The following BICD1 variants were observed in gnomAD, a reference collection of about 807,000 sequenced individuals.
BICD1 encodes the protein BICD cargo adaptor 1, also known as protein bicaudal D homolog 1.
Under a neutral mutation model 92.5 loss-of-function variants are expected in BICD1, and 35 were observed. The observed-to-expected ratio is 0.38, with a 90% CI of 0.29 to 0.50. The LOEUF (loss-of-function observed/expected upper bound fraction) is 0.50, where lower values mean the gene tolerates loss of function less well. Ranked by LOEUF, BICD1 falls within the 20% of genes least tolerant of loss-of-function variation. BICD1 has a pLI of 0.93. For missense variants in BICD1, 950 were observed against 1,189.8 expected, an observed-to-expected ratio of 0.80 and a Z score of 2.97; for synonymous variants, 429 against 465.1, an observed-to-expected ratio of 0.92 and a Z score of 1.00.
intron 1 of BICD1, among the ~76,000 whole-genome samples, chr12:32,207,642 C>T (rs2046587): frequency 0.26 from 40,204 of 151,756 alleles, 5,849 homozygotes; most frequent in South Asian, 0.43. Context: ...CTCAAATGGA[C>T]GGACTTTATA....
Position 32,311,475 on chromosome 12 carries a change from C to T in BICD1, c.1005+5353C>T, listed in dbSNP as rs567516067. ...GATCGCGCCACTGCACTCCAGCCTG[C>T]GACAGATCAAGACTCTGTCTCAAAA... On this transcript the variant is annotated intron_variant, in intron 4 of 9. Coordinates refer to ENST00000652176, the MANE Select transcript of BICD1 (RefSeq NM_001714.4). Among the ~76,000 whole-genome samples the T allele has an allele frequency of 3.3e-5, 5 of 151,942 alleles. 1 individual carries two copies. The highest frequency in any genetic ancestry group is 9.7e-5 in the African/African-American group (4 of 41,404).
chr12:32,186,500 A>G (rs1361408919), intron 1 of BICD1, among the ~76,000 whole-genome samples: 1 of 152,188 alleles, frequency 6.6e-6, no homozygotes, highest in Non-Finnish European at 1.5e-5. Context: ...TAAAACCAAC[A>G]TGTCTAAATT....
At position 32,145,275 on chromosome 12, in the gene BICD1, A is replaced by C. The variant is rs569959629; in HGVS notation, c.213+37731A>C. 2.6e-5 allele frequency among the ~76,000 whole-genome samples: 4 copies of C among 152,332 alleles called. No homozygotes were observed. The East Asian group carries it at 7.7e-4, about 29-fold the overall frequency. On this transcript the variant is annotated intron_variant, in intron 1 of 9. Coordinates refer to ENST00000652176, the MANE Select transcript of BICD1 (RefSeq NM_001714.4). ...GTCACAGGGAAGGCTCTGTGACACG[A>C]GATAATGATGTGGATGTGACAGAAC...
At chr12:32,113,710 ATTT>A (rs36110677) in intron 1 of BICD1, among the ~76,000 whole-genome samples, 6 of 122,282 alleles carry the variant, frequency 4.9e-5, no homozygotes, top group Non-Finnish European at 6.8e-5. Context: ...TGCTTGGGTA[ATTT>A]TTTTTTTTTT....
intron 8 of BICD1, among the ~76,000 whole-genome samples, chr12:32,363,414 A>G (rs1008478341): frequency 2.0e-5 from 3 of 152,210 alleles, no homozygotes; most frequent in African/African-American, 7.2e-5. Flanking sequence ...TCTCTTGAGT[A>G]TGCTATGACA....
At chr12:32,113,193 G>A (rs1269858790) in intron 1 of BICD1, among the ~76,000 whole-genome samples, 1 of 152,178 alleles carries the variant, frequency 6.6e-6, no homozygotes, top group Non-Finnish European at 1.5e-5. Context: ...GGATCGTGAG[G>A]AGGGGGCACG....
chr12:32,347,419 C>G (rs1230347848), intron 8 of BICD1, among the ~76,000 whole-genome samples: 1 of 151,662 alleles, frequency 6.6e-6, no homozygotes, highest in Non-Finnish European at 1.5e-5. Context: ...GCGGGCAGAT[C>G]ACAAGGTCAA....
chr12:32,131,795 T>TGGG (rs1194341348), intron 1 of BICD1, among the ~76,000 whole-genome samples: 3 of 152,224 alleles, frequency 2.0e-5, no homozygotes, highest in African/African-American at 7.2e-5. Flanking sequence ...CCCCAGCCAT[T>TGGG]GTTAGGTGCC....
chr12:32,256,043 T>A (rs1200391615), intron 2 of BICD1, among the ~76,000 whole-genome samples: 1 of 152,046 alleles, frequency 6.6e-6, no homozygotes, highest in Admixed American at 6.6e-5. Flanking sequence ...TTATTATAAT[T>A]ATTGTTATTT....
At chr12:32,357,817 C>G (rs1939177228) in intron 8 of BICD1, among the ~76,000 whole-genome samples, 1 of 152,176 alleles carries the variant, frequency 6.6e-6, no homozygotes, top group Non-Finnish European at 1.5e-5. Flanking sequence ...AACAGTGTCA[C>G]TTTAATTTAG....
At chr12:32,227,153 A>G (rs1945724420) in intron 2 of BICD1, among the ~76,000 whole-genome samples, 1 of 152,222 alleles carries the variant, frequency 6.6e-6, no homozygotes, top group Non-Finnish European at 1.5e-5. Context: ...CCCGTGCCCC[A>G]GAGGACAGCC....
At chr12:32,332,886 T>G in intron 5 of BICD1, 1 of 985,400 alleles carries the variant, frequency 1.0e-6, no homozygotes, top group Non-Finnish European at 1.2e-6. Flanking sequence ...AAAGTCAACT[T>G]TGGAATGTGT....
At chr12:32,231,211 G>A (rs1945876444) in intron 2 of BICD1, among the ~76,000 whole-genome samples, 1 of 152,122 alleles carries the variant, frequency 6.6e-6, no homozygotes, top group Non-Finnish European at 1.5e-5. Flanking sequence ...GGCTGAGCAT[G>A]GTGACTCATG....
chr12:32,135,348 A>G (rs1032103235), intron 1 of BICD1, among the ~76,000 whole-genome samples: 1 of 144,704 alleles, frequency 6.9e-6, no homozygotes, highest in Non-Finnish European at 1.5e-5. Context: ...TCGGCCTCCC[A>G]AAGTGCCGGG....
At chr12:32,249,558 G>A (rs1565617438) in intron 2 of BICD1, among the ~76,000 whole-genome samples, 1 of 152,098 alleles carries the variant, frequency 6.6e-6, no homozygotes, top group Admixed American at 6.6e-5. Context: ...GAGGATTCTT[G>A]TGTTTCCCAG....
chr12:32,119,361 T>C (rs888624515), intron 1 of BICD1, among the ~76,000 whole-genome samples: 6 of 152,202 alleles, frequency 3.9e-5, no homozygotes, highest in Admixed American at 3.9e-4. Flanking sequence ...AACTAGTGAC[T>C]TTCAATACAG....
At chr12:32,372,582 A>G (rs1003003409) in intron 9 of BICD1, among the ~76,000 whole-genome samples, 1 of 152,194 alleles carries the variant, frequency 6.6e-6, no homozygotes, top group African/African-American at 2.4e-5. Flanking sequence ...CACCTTTAAC[A>G]ATGTAGAACT....
intron 1 of BICD1, among the ~76,000 whole-genome samples, chr12:32,201,434 C>T (rs2009380): frequency 0.036 from 5,410 of 151,590 alleles, 323 homozygotes; most frequent in African/African-American, 0.12. Flanking sequence ...CGATTTGGCA[C>T]CTAAATGCAT....
intron 9 of BICD1, 37 bp from the exon 10 acceptor site, chr12:32,377,503 T>G: frequency 6.4e-7 from 1 of 1,552,262 alleles, no homozygotes; most frequent in Non-Finnish European, 8.9e-7. Flanking sequence ...CCCTTTGAAA[T>G]GTGTTTCTTG....
Sources: allele counts gnomAD v4.1 joint callset (sites outside exome capture counted in the v4.1 genomes callset), GRCh38; gene constraint gnomAD v4.1.1; transcripts MANE v1.5; gene names NCBI Gene and HGNC (gene_info 2026-07-23, HGNC 2026-07-21).